SEC14L5: variants seen among roughly 807,000 people sequenced by gnomAD.
SEC14L5 encodes the protein SEC14 like lipid binding 5, also known as SEC14-like protein 5.
A neutral mutation model predicts 84.6 loss-of-function variants in SEC14L5; 96 were observed. The ratio of observed to expected loss-of-function variants is 1.13; its 90% CI spans 0.96 to 1.34. The LOEUF is 1.34. Among genes scored for constraint, SEC14L5 ranks in the 40% most tolerant of loss-of-function variants. The pLI is 0.00. For missense variants in SEC14L5, 1,224 were observed against 942.5 expected (o/e 1.30, Z -3.91); for synonymous variants, 546 against 383.4 (o/e 1.42, Z -4.95).
At position 5,001,250 on chromosome 16, in the gene SEC14L5, C is replaced by CTT. The variant is rs371571869; in HGVS notation, c.1130+343_1130+344dup. On this transcript the variant is annotated intron_variant, in intron 10 of 15. Transcript: ENST00000251170. ...CCACTCAACAGTCTCCTTGACTTTG[C>CTT]TTTTTTTTTTTTTTTTTTTCTTTTT... Among the ~76,000 whole-genome samples the CTT allele has an allele frequency of 5.2e-3, 654 of 126,144 alleles. 7 individuals carry two copies. Among genetic ancestry groups the CTT allele is most frequent in the African/African-American group, 0.017 (569 of 34,184 alleles). 82.8% of individuals were successfully genotyped at this position (126,144 alleles called of 152,430 possible).
At chr16:4,979,996 G>A (rs567703872) in intron 2 of SEC14L5, among the ~76,000 whole-genome samples, 19 of 152,332 alleles carry the variant, frequency 1.2e-4, no homozygotes, top group Admixed American at 3.9e-4. Context: ...GAGATTCTGA[G>A]GCAGGACACA....
At chr16:4,987,807 G>A (rs1955508986) in intron 3 of SEC14L5, 101 bp downstream of exon 3, 1 of 861,918 alleles carries the variant, frequency 1.2e-6, no homozygotes, top group Non-Finnish European at 1.7e-6. Context: ...GGGTCCAGGA[G>A]GTGGAGCAGG....
intron 5 of SEC14L5, among the ~76,000 whole-genome samples, chr16:4,991,524 C>G (rs533659918): frequency 2.0e-5 from 3 of 152,156 alleles, no homozygotes; most frequent in East Asian, 3.9e-4. Context: ...TGAGATGACA[C>G]TACTGCACTC....
intron 13 of SEC14L5, among the ~76,000 whole-genome samples, chr16:5,007,694 C>G (rs1955748037): frequency 6.6e-6 from 1 of 150,778 alleles, no homozygotes. Context: ...CAACCTCCAC[C>G]TCCCAGGTTC....
At chr16:4,973,856 G>C (rs1596617875) in intron 2 of SEC14L5, among the ~76,000 whole-genome samples, 1 of 151,890 alleles carries the variant, frequency 6.6e-6, no homozygotes, top group East Asian at 1.9e-4. Flanking sequence ...CTAATGTTTT[G>C]TATTTTTAGT....
intron 2 of SEC14L5, among the ~76,000 whole-genome samples, chr16:4,982,018 C>T (rs1444360914): frequency 6.6e-6 from 1 of 152,148 alleles, no homozygotes; most frequent in Non-Finnish European, 1.5e-5. Context: ...CCCCAGGATC[C>T]CCATGGTGCA....
At chr16:4,963,272 G>T (rs542640279) in intron 2 of SEC14L5, among the ~76,000 whole-genome samples, 5 of 152,270 alleles carry the variant, frequency 3.3e-5, no homozygotes, top group Admixed American at 6.5e-5. Flanking sequence ...AATAAACAGA[G>T]ATTTCTCTCC....
intron 11 of SEC14L5, among the ~76,000 whole-genome samples, chr16:5,005,554 A>G (rs1955720915): frequency 6.7e-6 from 1 of 148,990 alleles, no homozygotes; most frequent in African/African-American, 2.4e-5. Flanking sequence ...TGTATAAATT[A>G]TATCTCAATA....
chr16:4,981,575 A>G (rs1017889138), intron 2 of SEC14L5, among the ~76,000 whole-genome samples: 7 of 151,998 alleles, frequency 4.6e-5, no homozygotes, highest in Non-Finnish European at 7.4e-5. Flanking sequence ...AGAAGATGTG[A>G]CCGCTTGGCC....
Position 5,000,686 on chromosome 16 carries a change from C to T in SEC14L5, c.1002C>T (p.Gly334=). 6.4e-7 allele frequency: 1 copy of T among 1,552,114 alleles called. No homozygotes were observed. Among genetic ancestry groups the T allele is most frequent in the Non-Finnish European group, 8.7e-7 (1 of 1,147,396 alleles). The change falls in exon 9 of 16, where the codon GGC becomes GGT. Residue 334 remains glycine (G), a synonymous_variant. Transcript: ENST00000251170. The part of the protein sequence containing the change: ...DGRPLYILRL[G]QMDTKGLMKA... ...GCCCCCTCTACATCCTCCGCCTGGG[C>T]CAGATGGACACCAAAGGCTTGATGA...
chr16:4,980,202 T>G (rs961933401), intron 2 of SEC14L5, among the ~76,000 whole-genome samples: 18 of 152,322 alleles, frequency 1.2e-4, no homozygotes, highest in African/African-American at 3.8e-4. Flanking sequence ...ATAAAGTCCT[T>G]AACAACAGTG....
rs867120222 is a variant in SEC14L5, at chr16:4,998,756, A to T, written c.970+1712A>T. 7.9e-3 allele frequency among the ~76,000 whole-genome samples: 1,052 copies of T among 133,092 alleles called. 12 individuals are homozygous for T. The highest frequency in any genetic ancestry group is 0.024 in the African/African-American group (942 of 38,972). The allele number at this position is 133,092 out of a possible 152,430, so 87.3% of individuals were successfully genotyped here. A position where few individuals can be genotyped will look rare whatever the true frequency, so the allele number is the denominator to read the frequency against. ...CCGTCTCAAAAAAAAAAAAAAAAAA[A>T]AAAAAAAAAATAAACGTTCATCTAT... is the stretch of plus-strand genomic sequence containing the variant. On this transcript the variant is annotated intron_variant, in intron 8 of 15. Transcript: ENST00000251170.
Position 5,008,617 on chromosome 16 carries a change from C to A in SEC14L5, c.1769C>A (p.Pro590His). 1 of 1,604,122 alleles carries A rather than the reference C, an allele frequency of 6.2e-7. No individual in the cohort carries two copies. Among genetic ancestry groups the A allele is most frequent in the East Asian group, 2.2e-5 (1 of 44,826 alleles). ...AGGGATTACAGCCGTGTGGAGGCTC[C>A]CCTTGTCTGCCGGGAGGGGGAGAGC... is the stretch of plus-strand genomic sequence containing the variant. ...LGRDYSRVEA[P>H]LVCREGESIQ... Residue 590 changes from proline (P) to histidine (H), a missense_variant, in exon 14 of 16, where the codon CCC becomes CAC. Transcript: ENST00000251170.
At chr16:5,000,174 C>T (rs894024371) in intron 8 of SEC14L5, among the ~76,000 whole-genome samples, 1 of 151,422 alleles carries the variant, frequency 6.6e-6, no homozygotes. Flanking sequence ...GCCTGTAATC[C>T]CAGCTACTCG....
chr16:5,014,271 G>A (rs370017243), intron 15 of SEC14L5, among the ~76,000 whole-genome samples: 10 of 152,336 alleles, frequency 6.6e-5, no homozygotes, highest in African/African-American at 2.4e-4. Context: ...CTTGGAGGGT[G>A]GGCATGGTGC....
Position 4,977,827 on chromosome 16 carries a change from T to C in SEC14L5, c.64-9730T>C, listed in dbSNP as rs962736027. 1.3e-4 allele frequency among the ~76,000 whole-genome samples: 20 copies of C among 151,724 alleles called. 1 individual carries two copies. In the East Asian group the frequency reaches 3.7e-3, roughly 28 times the overall value. The stretch of plus-strand genomic sequence containing the variant: ...TTATTTATTATTATTATTTTTGAGA[T>C]GGAGTCTCTGTCGCTCAGGCTGGAG... On this transcript the variant is annotated intron_variant, in intron 2 of 15. Transcript: ENST00000251170.
intron 15 of SEC14L5, among the ~76,000 whole-genome samples, chr16:5,014,006 C>G (rs1955839534): frequency 1.3e-5 from 2 of 152,226 alleles, no homozygotes; most frequent in African/African-American, 4.8e-5. Context: ...TTCTGCATCT[C>G]TAACAAGCTC....
At chr16:4,994,235 G>C (rs1472293496) in intron 6 of SEC14L5, among the ~76,000 whole-genome samples, 1 of 152,186 alleles carries the variant, frequency 6.6e-6, no homozygotes, top group South Asian at 2.1e-4. Flanking sequence ...TTTTCCTTTA[G>C]GGCCACTGCC....
intron 14 of SEC14L5, chr16:5,010,843 T>G: frequency 2.0e-6 from 1 of 497,330 alleles, no homozygotes. Context: ...GTCCTGAAGT[T>G]GCACCCCCAC....
Sources: gnomAD v4.1 joint callset for allele counts (sites outside exome capture counted in the v4.1 genomes callset) on GRCh38, gnomAD v4.1.1 for gene constraint, MANE v1.5 for transcripts, NCBI Gene and HGNC (gene_info 2026-07-23, HGNC 2026-07-21) for gene names.